Variants in COL4A3 observed in about 807,000 individuals in gnomAD.
The protein encoded by COL4A3 is collagen alpha-3(IV) chain.
A neutral mutation model predicts 217.4 loss-of-function variants in COL4A3; 135 were observed. That is an observed-to-expected ratio of 0.62 (90% CI 0.54 to 0.72). The LOEUF is 0.72. COL4A3 is among the 30% of genes least tolerant of loss of function. The probability of loss-of-function intolerance (pLI) is 0.00; values close to 1 mark genes in which losing one functional copy is unlikely to be tolerated. For missense variants in COL4A3, 1,868 were observed against 2,119.9 expected, an observed-to-expected ratio of 0.88 and a Z score of 2.33; for synonymous variants, 690 against 736.3, an observed-to-expected ratio of 0.94 and a Z score of 1.02.
intron 11 of COL4A3, among the ~76,000 whole-genome samples, chr2:227,252,080 A>C (rs1300759969): frequency 3.4e-5 from 5 of 145,378 alleles, no homozygotes; most frequent in African/African-American, 8.4e-5. Flanking sequence ...AAAAAAAAAA[A>C]AAAAAAAAAA....
At chr2:227,204,294 A>G (rs6756117) in intron 1 of COL4A3, among the ~76,000 whole-genome samples, 71,146 of 152,042 alleles carry the variant, frequency 0.47, 17,677 homozygotes, top group East Asian at 0.78. Flanking sequence ...TGAGCATTCA[A>G]TAAATCTAAG....
At chr2:227,252,310 T>G (rs1251604242) in intron 11 of COL4A3, among the ~76,000 whole-genome samples, 1 of 144,184 alleles carries the variant, frequency 6.9e-6, no homozygotes, top group Non-Finnish European at 1.5e-5. Context: ...ATCTCCCGGG[T>G]TCAAGCAATT....
chr2:227,251,203 G>A lies in COL4A3; in HGVS notation c.609+1G>A, dbSNP rs1275832182. On this transcript the variant is annotated splice_donor_variant, in intron 10 of 51. Coordinates refer to ENST00000396578, the MANE Select transcript of COL4A3 (RefSeq NM_000091.5). LOFTEE classifies it high-confidence loss of function. ...CCCACCTGGTCCTCCGGGATTCTTT[G>A]TGAGTATCAAGTCATCCTTGCTACA... The A allele has an allele frequency of 1.2e-6, 2 of 1,613,138 alleles. No individual in the cohort carries two copies.
At chr2:227,213,901 C>CAA (rs5839195) in intron 1 of COL4A3, among the ~76,000 whole-genome samples, 1,967 of 89,004 alleles carry the variant, frequency 0.022, 66 homozygotes, top group African/African-American at 0.081. Flanking sequence ...AACTCTGTCT[C>CAA]AAAAAAAAAA....
In COL4A3 at chr2:227,263,920, T is replaced by C. The variant is rs1230346166; in HGVS notation, c.1291T>C (p.Ser431Pro). Residue 431 changes from serine (S) to proline (P), a missense_variant, in exon 21 of 52, where the codon TCA becomes CCA. By Grantham distance (74) the Ser-to-Pro change is moderately conservative. This residue lies in a region of COL4A3 where 1,503 missense variants were observed against 1,786.1 expected (regional missense o/e 0.84). Transcript: ENST00000396578. ...TGCTGGTTCACCAGGTCTTCCAGGATCACCGGGACCTCCAGGACCGCCAGG... is the reference window on the plus strand; with the variant it reads ...TGCTGGTTCACCAGGTCTTCCAGGACCACCGGGACCTCCAGGACCGCCAGG... ...GCAGSPGLPGSPGPPGPPGDI... is the reference protein window; with the variant it reads ...GCAGSPGLPGPPGPPGPPGDI... The C allele has an allele frequency of 1.2e-6, 2 of 1,614,056 alleles. No homozygotes were observed. Among genetic ancestry groups the C allele is most frequent in the Non-Finnish European group, 1.7e-6 (2 of 1,180,022 alleles).
At position 227,303,110 on chromosome 2, in the gene COL4A3, G is replaced by A. The variant is rs765661521; in HGVS notation, c.3955G>A (p.Gly1319Arg). ...ATTCCAGGGGTTTCCAGGCGTGAAA[G>A]GTACTGTTTTTGTGCATTGCTCTTT... ...PGFQGFPGVK[G>R]EKGNPGFLGS... The change falls in exon 44 of 52, where the codon GGA becomes AGA. Residue 1319 changes from glycine (G) to arginine (R), a missense_variant and splice_region_variant. By Grantham distance (125) the Gly-to-Arg change is moderately radical. Coordinates refer to ENST00000396578, the MANE Select transcript of COL4A3 (RefSeq NM_000091.5). 1 of 1,613,470 alleles carries A rather than the reference G, an allele frequency of 6.2e-7. No homozygotes were observed. Among genetic ancestry groups the A allele is most frequent in the South Asian group, 1.1e-5 (1 of 91,050 alleles).
chr2:227,198,410 A>G (rs1467934705), intron 1 of COL4A3, among the ~76,000 whole-genome samples: 1 of 152,256 alleles, frequency 6.6e-6, no homozygotes, highest in Non-Finnish European at 1.5e-5. Flanking sequence ...TATATCATTT[A>G]TGAAGAACAT....
At chr2:227,304,499 T>C (rs978546766) in intron 46 of COL4A3, among the ~76,000 whole-genome samples, 23 of 152,256 alleles carry the variant, frequency 1.5e-4, no homozygotes, top group African/African-American at 5.3e-4. Context: ...TGTGAATTTA[T>C]ACTTTTCTAA....
rs981279889 is a variant in COL4A3, at chr2:227,312,275, C to T, written c.*405C>T. 2.0e-5 allele frequency: 5 copies of T among 246,488 alleles called. No individual in the cohort carries two copies. The highest frequency in any genetic ancestry group is 4.0e-5 in the Non-Finnish European group (5 of 124,624). 15.3% of individuals were successfully genotyped at this position (246,488 alleles called of 1,614,324 possible). On this transcript the variant is annotated 3_prime_UTR_variant, in exon 52 of 52. Coordinates refer to ENST00000396578, the MANE Select transcript of COL4A3 (RefSeq NM_000091.5). ...AGGCTAAATCAGTGTTTGATTGCCC[C>T]GCCAACCCTTCCTGAAACTTCAGAC...
At chr2:227,205,610 A>C (rs1410650858) in intron 1 of COL4A3, among the ~76,000 whole-genome samples, 2 of 152,184 alleles carry the variant, frequency 1.3e-5, no homozygotes, top group African/African-American at 4.8e-5. Flanking sequence ...AATAACATGG[A>C]AACAAGTAAA....
chr2:227,306,782 C>A (rs2073519914), intron 47 of COL4A3, among the ~76,000 whole-genome samples: 1 of 152,102 alleles, frequency 6.6e-6, no homozygotes, highest in Non-Finnish European at 1.5e-5. Flanking sequence ...AAAACTAATT[C>A]CTGTGATGAT....
At chr2:227,198,745 T>C (rs1196368663) in intron 1 of COL4A3, among the ~76,000 whole-genome samples, 1 of 152,160 alleles carries the variant, frequency 6.6e-6, no homozygotes, top group African/African-American at 2.4e-5. Flanking sequence ...TTTTAACAAG[T>C]TGAGAGAGAA....
chr2:227,262,261 T>C (rs2070627090), intron 20 of COL4A3, among the ~76,000 whole-genome samples: 1 of 152,118 alleles, frequency 6.6e-6, no homozygotes. Flanking sequence ...AGCTCTGACA[T>C]TAAGGAAGAC....
intron 51 of COL4A3, 143 bp from the exon 52 acceptor site, chr2:227,311,643 G>A: frequency 4.3e-6 from 3 of 702,874 alleles, no homozygotes; most frequent in Non-Finnish European, 7.1e-6. Flanking sequence ...CTCCCAAATT[G>A]CTGGGATTAC....
At chr2:227,202,295 T>G (rs2066717336) in intron 1 of COL4A3, among the ~76,000 whole-genome samples, 1 of 152,192 alleles carries the variant, frequency 6.6e-6, no homozygotes, top group African/African-American at 2.4e-5. Context: ...CCCCATGCCT[T>G]TTTTCATGTT....
At chr2:227,287,876 A>G (rs1311642561) in intron 34 of COL4A3, among the ~76,000 whole-genome samples, 1 of 152,192 alleles carries the variant, frequency 6.6e-6, no homozygotes, top group South Asian at 2.1e-4. Flanking sequence ...GGGGAAAGAG[A>G]ACATGATGAT....
Position 227,283,802 on chromosome 2 carries a change from G to A in COL4A3, c.2692G>A (p.Gly898Arg). 1 of 1,614,198 alleles carries A rather than the reference G, an allele frequency of 6.2e-7. No individual in the cohort carries two copies. Among genetic ancestry groups the A allele is most frequent in the Non-Finnish European group, 8.5e-7 (1 of 1,180,020 alleles). ...DGVIGMMGFP[G>R]AIGPPGPPGN... is the part of the protein sequence containing the mutation. ...AGTGATTGGGATGATGGGCTTTCCT[G>A]GAGCCATTGGCCCTCCAGGGCCCCC... The change falls in exon 33 of 52, where the codon GGA (glycine) becomes AGA (arginine). Residue 898 changes from glycine to arginine, a missense_variant. Physicochemically the swap from Gly to Arg is moderately radical, Grantham distance 125. Around this residue, in one of 2 missense-constraint regions of COL4A3, gnomAD observed 1,503 missense variants for 1,786.1 expected, o/e 0.84. Coordinates refer to ENST00000396578, the MANE Select transcript of COL4A3 (RefSeq NM_000091.5).
chr2:227,268,018 C>T (rs1476108811), intron 23 of COL4A3, among the ~76,000 whole-genome samples: 1 of 152,166 alleles, frequency 6.6e-6, no homozygotes, highest in Non-Finnish European at 1.5e-5. Context: ...GACTGGGTTC[C>T]TCTGCCCCTC....
intron 38 of COL4A3, chr2:227,293,797 G>A: frequency 2.1e-6 from 1 of 470,800 alleles, no homozygotes; most frequent in Non-Finnish European, 4.4e-6. Flanking sequence ...TTTCTTGTGG[G>A]GCCCCTGTTC....
Sources: gnomAD v4.1 joint callset for allele counts (sites outside exome capture counted in the v4.1 genomes callset) on GRCh38, gnomAD v4.1.1 for gene constraint, gnomAD v4.1.1 regional missense constraint, MANE v1.5 for transcripts, NCBI Gene and HGNC (gene_info 2026-07-23, HGNC 2026-07-21) for gene names.